The following CGNL1 variants were observed in gnomAD, a reference collection of about 807,000 sequenced individuals.
CGNL1 encodes the protein cingulin like 1.
Under a neutral mutation model 141.2 loss-of-function variants are expected in CGNL1, and 132 were observed. The observed-to-expected ratio is 0.93, with a 90% confidence interval of 0.81 to 1.08. CGNL1 has a LOEUF of 1.08. Among genes scored for constraint, CGNL1 ranks in the 50% least tolerant of loss-of-function variants. CGNL1 has a pLI of 0.00. For synonymous variants in CGNL1, 690 were observed against 622.1 expected, an observed-to-expected ratio of 1.11 and a Z score of -1.63; for missense variants, 1,870 against 1,588.6, an observed-to-expected ratio of 1.18 and a Z score of -3.01.
Position 57,493,596 on chromosome 15 carries a change from C to T in CGNL1, c.2404-23184C>T, listed in dbSNP as rs1268982570. On this transcript the variant is annotated intron_variant, in intron 8 of 18. Transcript: ENST00000281282. ...GATATCTGCTGTTTCTTTTTCTTTC[C>T]GTTTTGGGGATTAACTATAGAATGA... Among the ~76,000 whole-genome samples the T allele has an allele frequency of 2.6e-5, 4 of 152,042 alleles. No homozygotes were observed. In the East Asian group the frequency reaches 5.8e-4, roughly 22 times the overall value.
rs1263176099 is a variant in CGNL1 at position 57,513,290 on chromosome 15, GTGTGTT to G, written c.2404-3484_2404-3479del. Among the ~76,000 whole-genome samples, 24 of 101,434 alleles carry G rather than the reference GTGTGTT, an allele frequency of 2.4e-4. 1 individual carries two copies. The highest frequency in any genetic ancestry group is 1.9e-5 in the Non-Finnish European group (1 of 52,788). The allele number at this position is 101,434 out of a possible 152,430, so 66.5% of individuals were successfully genotyped here. On this transcript the variant is annotated intron_variant, in intron 8 of 18. Coordinates refer to ENST00000281282, the MANE Select transcript of CGNL1 (RefSeq NM_032866.5). The stretch of plus-strand genomic sequence containing the variant: ...TGTGTGTGTGTGTGTGTGTGTGTGT[GTGTGTT>G]TGTGTGATTGGCTTCTTTAGGATAA...
intron 1 of CGNL1, among the ~76,000 whole-genome samples, chr15:57,395,209 A>G (rs1427993025): frequency 6.6e-6 from 1 of 152,228 alleles, no homozygotes; most frequent in East Asian, 1.9e-4. Flanking sequence ...TAGCTAGTCA[A>G]CTTGAATAAC....
At position 57,441,977 on chromosome 15, in the gene CGNL1, G is replaced by A. The variant is rs1204062219; in HGVS notation, c.1698-396G>A. On this transcript the variant is annotated intron_variant, in intron 3 of 18. Coordinates refer to ENST00000281282, the MANE Select transcript of CGNL1 (RefSeq NM_032866.5). ...AGATTCAGATGTACAGCATGTTTGT[G>A]TGTGTGAGAGAGATATACACATACG... 2.0e-5 allele frequency among the ~76,000 whole-genome samples: 3 copies of A among 152,110 alleles called. No individual in the cohort carries two copies. The East Asian group carries it at 5.8e-4, about 29-fold the overall frequency.
chr15:57,468,559 C>CGT (rs67758921), intron 8 of CGNL1, among the ~76,000 whole-genome samples: 6,398 of 145,868 alleles, frequency 0.044, 140 homozygotes, highest in African/African-American at 0.072. Flanking sequence ...AAAAAGTTTG[C>CGT]GTGTGTGTGT....
intron 1 of CGNL1, among the ~76,000 whole-genome samples, chr15:57,429,874 A>G (rs769817151): frequency 6.6e-6 from 1 of 152,286 alleles, no homozygotes; most frequent in Non-Finnish European, 1.5e-5. Flanking sequence ...GGGTGGCATG[A>G]TCATAGCTCC....
At chr15:57,472,893 G>C (rs555736000) in intron 8 of CGNL1, among the ~76,000 whole-genome samples, 4 of 152,130 alleles carry the variant, frequency 2.6e-5, no homozygotes, top group Non-Finnish European at 4.4e-5. Flanking sequence ...ATGGGTCAGC[G>C]GTGGGAATAC....
chr15:57,450,816 G>T (rs145692988), intron 4 of CGNL1, among the ~76,000 whole-genome samples: 2 of 152,146 alleles, frequency 1.3e-5, no homozygotes, highest in African/African-American at 4.8e-5. Flanking sequence ...TCTGATATTT[G>T]CTACTCTATC....
At chr15:57,400,145 C>T (rs1449735302) in intron 1 of CGNL1, among the ~76,000 whole-genome samples, 5 of 151,990 alleles carry the variant, frequency 3.3e-5, no homozygotes, top group African/African-American at 1.2e-4. Flanking sequence ...AGATGTGCAC[C>T]ATCATGCCTA....
At chr15:57,543,631 A>G in intron 14 of CGNL1, 65 bp from the exon 15 acceptor site, 2 of 1,418,558 alleles carry the variant, frequency 1.4e-6, no homozygotes, top group Non-Finnish European at 2.0e-6. Flanking sequence ...CCTTGCCACC[A>G]TTTCAGTACA....
chr15:57,444,924 G>A (rs2063233044), intron 4 of CGNL1, among the ~76,000 whole-genome samples: 1 of 152,122 alleles, frequency 6.6e-6, no homozygotes, highest in Non-Finnish European at 1.5e-5. Flanking sequence ...TTCCTTTTGT[G>A]GCTTTTGGAA....
At chr15:57,465,882 A>C (rs1410477679) in intron 8 of CGNL1, among the ~76,000 whole-genome samples, 1 of 152,182 alleles carries the variant, frequency 6.6e-6, no homozygotes, top group Non-Finnish European at 1.5e-5. Context: ...AAAAATGTCA[A>C]ATTATATTTC....
chr15:57,542,945 G>T (rs917770183), intron 14 of CGNL1, among the ~76,000 whole-genome samples: 1 of 152,216 alleles, frequency 6.6e-6, no homozygotes, highest in African/African-American at 2.4e-5. Context: ...AGGGTTGTTT[G>T]TGAGTGTCAT....
chr15:57,487,857 G>T (rs1011155209), intron 8 of CGNL1, among the ~76,000 whole-genome samples: 1 of 152,178 alleles, frequency 6.6e-6, no homozygotes, highest in Non-Finnish European at 1.5e-5. Flanking sequence ...TACAGTCTCT[G>T]GATATAGTTT....
intron 8 of CGNL1, among the ~76,000 whole-genome samples, chr15:57,469,599 CT>C (rs1289869543): frequency 8.6e-5 from 13 of 151,854 alleles, no homozygotes; most frequent in African/African-American, 3.1e-4. Context: ...TACTGAGTTT[CT>C]GTACTTTTGT....
At chr15:57,474,141 C>T (rs1595742677) in intron 8 of CGNL1, among the ~76,000 whole-genome samples, 1 of 152,084 alleles carries the variant, frequency 6.6e-6, no homozygotes, top group Non-Finnish European at 1.5e-5. Flanking sequence ...GAACTCTTAA[C>T]CTCAGGTGAT....
In CGNL1 at chr15:57,438,274, C is replaced by G. The variant is rs761709518; in HGVS notation, c.275C>G (p.Ser92Cys). ...NNLPLHSSNG[S>C]VPKENSEELQ... Reference sequence around the variant, plus strand: ...CTGCCTCTACATTCCAGCAATGGTTCTGTGCCAAAGGAGAACAGTGAAGAA... The same window carrying G: ...CTGCCTCTACATTCCAGCAATGGTTGTGTGCCAAAGGAGAACAGTGAAGAA... The change falls in exon 2 of 19, where the codon TCT becomes TGT. Residue 92 changes from serine to cysteine, a missense_variant. Coordinates refer to ENST00000281282, the MANE Select transcript of CGNL1 (RefSeq NM_032866.5). 6.2e-7 allele frequency: 1 copy of G among 1,614,156 alleles called. No homozygotes were observed. Among genetic ancestry groups the G allele is most frequent in the South Asian group, 1.1e-5 (1 of 91,076 alleles).
At chr15:57,417,406 G>A (rs2062860979) in intron 1 of CGNL1, among the ~76,000 whole-genome samples, 1 of 152,092 alleles carries the variant, frequency 6.6e-6, no homozygotes, top group Admixed American at 6.5e-5. Flanking sequence ...GCTAATTTTT[G>A]TATTTTTAGT....
chr15:57,490,951 C>A lies in CGNL1; in HGVS notation c.2404-25829C>A, dbSNP rs981814956. ...AGGAACATCCTGCAAATATACCTTG[C>A]GCAGTACTCCTCAAACTGTTACAGT... On this transcript the variant is annotated intron_variant, in intron 8 of 18. Coordinates refer to ENST00000281282, the MANE Select transcript of CGNL1 (RefSeq NM_032866.5). Among the ~76,000 whole-genome samples, 2 of 152,112 alleles carry A rather than the reference C, an allele frequency of 1.3e-5. 1 individual carries two copies. The highest frequency in any genetic ancestry group is 4.8e-5 in the African/African-American group (2 of 41,408).
chr15:57,398,844 C>T (rs1004569873), intron 1 of CGNL1, among the ~76,000 whole-genome samples: 1 of 152,146 alleles, frequency 6.6e-6, no homozygotes, highest in Non-Finnish European at 1.5e-5. Context: ...AAAATTGCCC[C>T]AAAGTTTCCT....
Sources: allele counts gnomAD v4.1 joint callset (sites outside exome capture counted in the v4.1 genomes callset), GRCh38; gene constraint gnomAD v4.1.1; transcripts MANE v1.5; gene names NCBI Gene and HGNC (gene_info 2026-07-23, HGNC 2026-07-21).